The following LCN8 variants were observed in gnomAD, a reference collection of about 807,000 sequenced individuals.
LCN8 encodes the protein lipocalin 8.
Under a neutral mutation model 22.8 loss-of-function variants are expected in LCN8, and 16 were observed. That is an observed-to-expected ratio of 0.70 (90% confidence interval 0.47 to 1.06). LCN8 has a LOEUF of 1.06. LCN8 is among the 50% of genes least tolerant of loss of function. The pLI, the probability that LCN8 is intolerant of heterozygous loss-of-function variation, is 0.00. For synonymous variants in LCN8, 92 were observed against 83.4 expected, an observed-to-expected ratio of 1.10 and a Z score of -0.56; for missense variants, 189 against 203.3, an observed-to-expected ratio of 0.93 and a Z score of 0.43.
chr9:136,755,612 C>T (rs1198997498), intron 3 of LCN8, 96 bp from the exon 4 acceptor site: 1 of 1,531,260 alleles, frequency 6.5e-7, no homozygotes, highest in African/African-American at 1.4e-5. Context: ...TGCCCCCACC[C>T]AGTCCCAGCA....
At position 136,757,437 on chromosome 9, in the gene LCN8, C is replaced by T; in HGVS notation, c.25-269G>A. On this transcript the variant is annotated intron_variant, in intron 1 of 6. Coordinates refer to ENST00000371688, the MANE Select transcript of LCN8 (RefSeq NM_178469.4). ...TAGAGCTGCGGAACAGTCCCTAGGGCTTCTGCGACATGTCGGGAGGAACCA... is the reference window on the plus strand; with the variant it reads ...TAGAGCTGCGGAACAGTCCCTAGGGTTTCTGCGACATGTCGGGAGGAACCA... 3 of 1,377,878 alleles carry T rather than the reference C, an allele frequency of 2.2e-6. No homozygotes were observed. The East Asian group carries it at 8.4e-5, about 38-fold the overall frequency. The allele number at this position is 1,377,878 out of a possible 1,614,324, so 85.4% of individuals were successfully genotyped here.
At chr9:136,756,369 AGGGAACAGCATG>A (rs1564331875) in intron 3 of LCN8, 141 bp downstream of exon 3, 1 of 1,584,752 alleles carries the variant, frequency 6.3e-7, no homozygotes. Flanking sequence ...GGAATAGTTC[AGGGAACAGCATG>A]GGGAACAGTG....
chr9:136,755,488 G>A lies in LCN8; in HGVS notation c.255C>T (p.Thr85=), dbSNP rs750213125. The A allele has an allele frequency of 1.5e-5, 24 of 1,612,784 alleles. No homozygotes were observed. The highest frequency in any genetic ancestry group is 6.7e-5 in the African/African-American group (5 of 74,934). Residue 85 remains threonine, a synonymous_variant, in exon 4 of 7, where the codon ACC becomes ACT. Coordinates refer to ENST00000371688, the MANE Select transcript of LCN8 (RefSeq NM_178469.4). ...PGHREIHVLD[T]DYEGYAILRV... ...GCAGGATGGCGTAGCCCTCGTAGTC[G>A]GTGTCCAGCACGTGGATCTCTCTGT...
chr9:136,757,281 C>T, intron 1 of LCN8, 113 bp from the exon 2 acceptor site: 2 of 1,495,144 alleles, frequency 1.3e-6, no homozygotes, highest in Non-Finnish European at 1.8e-6. Flanking sequence ...CAGCAGATGG[C>T]TGTGAGGCTC....
At chr9:136,756,776 TCCAGCCAGTCACCTGTCCCA>T (rs1847216239) in intron 2 of LCN8, among the ~76,000 whole-genome samples, 184 bp from the exon 3 acceptor site, 1 of 152,188 alleles carries the variant, frequency 6.6e-6, no homozygotes, top group Non-Finnish European at 1.5e-5. Context: ...TTCTGTTCCC[TCCAGCCAGTCACCTGTCCCA>T]CACCCCTTTT....
At position 136,755,445 on chromosome 9, in the gene LCN8, G is replaced by A. The variant is rs771297080; in HGVS notation, c.298C>T (p.Arg100Trp). 24 of 1,613,044 alleles carry A rather than the reference G, an allele frequency of 1.5e-5. No individual in the cohort carries two copies. In the East Asian group the frequency reaches 3.6e-4, roughly 24 times the overall value. The change falls in exon 4 of 7, where the codon CGG becomes TGG. Residue 100 changes from arginine to tryptophan, a missense_variant. Coordinates refer to ENST00000371688, the MANE Select transcript of LCN8 (RefSeq NM_178469.4). ...TTGAGGACGCGAAAGTTCCTGCCCC[G>A]CCACATCAGGGACACCCGCAGGATG... Reference protein sequence around the residue: ...YAILRVSLMWRGRNFRVLKYF... With the variant: ...YAILRVSLMWWGRNFRVLKYF...
intron 6 of LCN8, 42 bp from the exon 7 acceptor site, chr9:136,754,551 T>C: frequency 6.5e-7 from 1 of 1,547,594 alleles, no homozygotes; most frequent in South Asian, 1.2e-5. Context: ...GTGTGGTCTC[T>C]GGAGGCCCCA....
Position 136,757,936 on chromosome 9 carries a change from C to T in LCN8, c.-6G>A. The T allele has an allele frequency of 1.2e-6, 2 of 1,613,346 alleles. No individual in the cohort carries two copies. The highest frequency in any genetic ancestry group is 8.5e-7 in the Non-Finnish European group (1 of 1,179,942). ...TGCCGGTCCAGCTCCTCCATGGCTG[C>T]TGCCACCTGCGCCCGGAGCACCACG... is the stretch of plus-strand genomic sequence containing the variant. On this transcript the variant is annotated 5_prime_UTR_variant, in exon 1 of 7. Coordinates refer to ENST00000371688, the MANE Select transcript of LCN8 (RefSeq NM_178469.4).
At chr9:136,757,839 C>A (rs538334656) in intron 1 of LCN8, 68 bp downstream of exon 1, 1 of 1,612,724 alleles carries the variant, frequency 6.2e-7, no homozygotes, top group Non-Finnish European at 8.5e-7. Context: ...CCGGGAGAGG[C>A]CTCCTTCCCT....
chr9:136,754,738 G>A (rs1423652250), intron 6 of LCN8: 26 of 1,393,466 alleles, frequency 1.9e-5, no homozygotes, highest in Non-Finnish European at 2.1e-5. Flanking sequence ...GCCCAACATG[G>A]GAGCCCTGAG....
In LCN8 at chr9:136,756,508, G is replaced by A. The variant is rs1847204095; in HGVS notation, c.226+14C>T. On this transcript the variant is annotated intron_variant, in intron 3 of 6. Coordinates refer to ENST00000371688, the MANE Select transcript of LCN8 (RefSeq NM_178469.4). ...GCCGGGTTCCACCTGCCATCACAGG[G>A]CAACTGCACTTACCAGGAAAAGCGA... 2 of 1,614,026 alleles carry A rather than the reference G, an allele frequency of 1.2e-6. No homozygotes were observed. The highest frequency in any genetic ancestry group is 1.7e-5 in the Admixed American group (1 of 60,012).
rs1033476500 is a variant in LCN8 at position 136,757,639 on chromosome 9, G to C, written c.24+268C>G. ...TGCCCTCAGCAACCCGCCCAGAGCCGGGACTTCCGCTGAGACTTTTAAAAA... is the reference window on the plus strand; with the variant it reads ...TGCCCTCAGCAACCCGCCCAGAGCCCGGACTTCCGCTGAGACTTTTAAAAA... On this transcript the variant is annotated intron_variant, in intron 1 of 6. Transcript: ENST00000371688. 2.1e-6 allele frequency: 3 copies of C among 1,418,510 alleles called. No homozygotes were observed. The Admixed American group carries it at 8.7e-5, about 41-fold the overall frequency. The allele number at this position is 1,418,510 out of a possible 1,614,324, so 87.9% of individuals were successfully genotyped here. A position where few individuals can be genotyped will look rare whatever the true frequency, so the allele number is the denominator to read the frequency against.
intron 6 of LCN8, 122 bp from the exon 7 acceptor site, chr9:136,754,631 C>T: frequency 1.4e-6 from 2 of 1,462,716 alleles, no homozygotes; most frequent in South Asian, 1.4e-5. Context: ...AAGCACCCAG[C>T]TCCCTGAGCG....
In LCN8 at chr9:136,757,078, A is replaced by G; in HGVS notation, c.115T>C (p.Leu39=). Residue 39 remains leucine, a synonymous_variant, in exon 2 of 7, where the codon TTG becomes CTG. Transcript: ENST00000371688. ...PKRVEGLFLT[L]SGSNLTVKVA... is the part of the protein sequence containing the mutation. ...TTCACGGTCAGGTTACTCCCGCTCAAGGTGAGGAACAAGCCCTCCACCCGC... is the reference window on the plus strand; with the variant it reads ...TTCACGGTCAGGTTACTCCCGCTCAGGGTGAGGAACAAGCCCTCCACCCGC... 1 of 1,613,558 alleles carries G rather than the reference A, an allele frequency of 6.2e-7. No individual in the cohort carries two copies. Among genetic ancestry groups the G allele is most frequent in the Non-Finnish European group, 8.5e-7 (1 of 1,179,848 alleles).
intron 6 of LCN8, chr9:136,754,716 G>C: frequency 7.1e-7 from 1 of 1,406,278 alleles, no homozygotes; most frequent in Non-Finnish European, 9.2e-7. Context: ...GGAGACACTG[G>C]GTTCTCGCAG....
In LCN8 at chr9:136,755,734, G is replaced by A. The variant is rs73668368; in HGVS notation, c.227-218C>T. 8.5e-4 allele frequency: 1,286 copies of A among 1,504,770 alleles called. 1 individual carries two copies. The African/African-American group carries it at 0.014, about 17-fold the overall frequency. The allele number at this position is 1,504,770 out of a possible 1,614,324, so 93.2% of individuals were successfully genotyped here. A position where few individuals can be genotyped will look rare whatever the true frequency, so the allele number is the denominator to read the frequency against. On this transcript the variant is annotated intron_variant, in intron 3 of 6. Coordinates refer to ENST00000371688, the MANE Select transcript of LCN8 (RefSeq NM_178469.4). ...TGCAGGGAACAGCATGGGGAACAGT[G>A]CAGGGAACCCTGCAGGGAACAGCAT...
At position 136,754,513 on chromosome 9, in the gene LCN8, C is replaced by T. The variant is rs180726572; in HGVS notation, c.448-4G>A. The T allele has an allele frequency of 9.7e-6, 15 of 1,553,554 alleles. No individual in the cohort carries two copies. The highest frequency in any genetic ancestry group is 1.7e-4 in the Middle Eastern group (1 of 5,994). ...AGGAACTCCATTAAATCAGCTCCTG[C>T]GACACAGAAGTGCAGGGGCTCAGGC... On this transcript the variant is annotated splice_polypyrimidine_tract_variant and splice_region_variant and intron_variant, in intron 6 of 6. Transcript: ENST00000371688.
chr9:136,757,683 G>C (rs1163716043), intron 1 of LCN8: 1 of 1,439,412 alleles, frequency 6.9e-7, no homozygotes, highest in East Asian at 2.5e-5. Context: ...TTTTCGGGAG[G>C]AAAGAATCTT....
chr9:136,755,063 C>A, intron 6 of LCN8, 72 bp downstream of exon 6: 1 of 1,450,696 alleles, frequency 6.9e-7, no homozygotes. Flanking sequence ...CACGGGGGCT[C>A]CTGACAGGGC....
Sources: allele counts gnomAD v4.1 joint callset (sites outside exome capture counted in the v4.1 genomes callset), GRCh38; gene constraint gnomAD v4.1.1; transcripts MANE v1.5; gene names NCBI Gene and HGNC (gene_info 2026-07-23, HGNC 2026-07-21).